CLYBL: variants seen among roughly 807,000 people sequenced by gnomAD.
CLYBL encodes citramalyl-CoA lyase, mitochondrial.
CLYBL carries 31 observed loss-of-function variants against 38.9 expected under a neutral mutation model. That is an observed-to-expected ratio of 0.80 (90% CI 0.60 to 1.08). The LOEUF (loss-of-function observed/expected upper bound fraction) is 1.08. Among genes scored for constraint, CLYBL ranks in the 50% least tolerant of loss-of-function variants. The probability of loss-of-function intolerance (pLI) is 0.00; values close to 1 mark genes in which losing one functional copy is unlikely to be tolerated. For missense variants in CLYBL, 434 were observed against 411.6 expected, an observed-to-expected ratio of 1.05 and a Z score of -0.47; for synonymous variants, 171 against 158.6, an observed-to-expected ratio of 1.08 and a Z score of -0.59.
At chr13:99,833,030 ATTTTTTTT>A (rs869061868) in intron 2 of CLYBL, among the ~76,000 whole-genome samples, 116 of 35,798 alleles carry the variant, frequency 3.2e-3, no homozygotes, top group East Asian at 8.5e-3. Flanking sequence ...ATATATATAT[ATTTTTTTT>A]TTTTTTTTTT....
chr13:99,621,217 AC>A (rs67303445), intron 1 of CLYBL, among the ~76,000 whole-genome samples: 2,049 of 151,864 alleles, frequency 0.013, 48 homozygotes, highest in African/African-American at 0.046. Flanking sequence ...TTTCCCAGTG[AC>A]CTCCAATTAC....
chr13:99,851,514 G>C (rs902203762), intron 2 of CLYBL, among the ~76,000 whole-genome samples: 1 of 151,978 alleles, frequency 6.6e-6, no homozygotes, highest in Non-Finnish European at 1.5e-5. Flanking sequence ...TTTTTAACGG[G>C]CTAAGGATGT....
At chr13:99,619,335 C>G (rs571108705) in intron 1 of CLYBL, among the ~76,000 whole-genome samples, 2 of 152,272 alleles carry the variant, frequency 1.3e-5, no homozygotes, top group African/African-American at 4.8e-5. Context: ...AGAGAGCAGC[C>G]CTCTGTAGAC....
intron 1 of CLYBL, among the ~76,000 whole-genome samples, chr13:99,637,406 A>C (rs143991786): frequency 6.6e-6 from 1 of 152,234 alleles, no homozygotes; most frequent in Non-Finnish European, 1.5e-5. Context: ...AGCATATTGC[A>C]TATTCCCTGT....
intron 1 of CLYBL, among the ~76,000 whole-genome samples, chr13:99,691,883 C>T (rs1004625158): frequency 2.0e-5 from 3 of 152,086 alleles, no homozygotes; most frequent in Non-Finnish European, 2.9e-5. Flanking sequence ...AAGAAACAGC[C>T]CAGGGTGGTG....
At chr13:99,840,212 A>C (rs1410268889) in intron 2 of CLYBL, among the ~76,000 whole-genome samples, 5 of 149,916 alleles carry the variant, frequency 3.3e-5, no homozygotes, top group Admixed American at 6.7e-5. Flanking sequence ...TGTGGTCCTC[A>C]TCCCTTCATT....
intron 2 of CLYBL, among the ~76,000 whole-genome samples, chr13:99,806,258 T>G (rs1288811818): frequency 6.6e-6 from 1 of 152,220 alleles, no homozygotes; most frequent in Non-Finnish European, 1.5e-5. Context: ...ATAATACATT[T>G]TCAACAGCAA....
rs528709985 is a variant in CLYBL, at chr13:99,708,276, C to T, written c.63-64548C>T. On this transcript the variant is annotated intron_variant, in intron 1 of 8. Transcript: ENST00000339105. ...GATTACAGGCGTGAGCCCTCACACC[C>T]GGCCTGATGCTGGGTGTTTTGTACA... 1.4e-3 allele frequency among the ~76,000 whole-genome samples: 216 copies of T among 152,296 alleles called. 1 individual carries two copies. Among genetic ancestry groups the T allele is most frequent in the African/African-American group, 4.9e-3 (203 of 41,566 alleles).
chr13:99,808,173 C>T (rs1566335444), intron 2 of CLYBL, among the ~76,000 whole-genome samples: 1 of 152,198 alleles, frequency 6.6e-6, no homozygotes, highest in Non-Finnish European at 1.5e-5. Context: ...GCAGCGTGGA[C>T]CGCCTGGGCT....
At position 99,843,082 on chromosome 13, in the gene CLYBL, C is replaced by T. The variant is rs1319419235; in HGVS notation, c.250-15779C>T. Among the ~76,000 whole-genome samples, 13 of 152,134 alleles carry T rather than the reference C, an allele frequency of 8.5e-5. No homozygotes were observed. In the East Asian group the frequency reaches 1.7e-3, roughly 20 times the overall value. Reference sequence around the variant, plus strand: ...TGAGGTTAAGAGACTGTCCCTGTCTCGTACACAGGCAGCCATCAGCACAGT... The same window carrying T: ...TGAGGTTAAGAGACTGTCCCTGTCTTGTACACAGGCAGCCATCAGCACAGT... On this transcript the variant is annotated intron_variant, in intron 2 of 8. Coordinates refer to ENST00000339105, the MANE Select transcript of CLYBL (RefSeq NM_206808.5).
chr13:99,791,360 TAA>T (rs57869213), intron 2 of CLYBL, among the ~76,000 whole-genome samples: 1 of 146,486 alleles, frequency 6.8e-6, no homozygotes, highest in Admixed American at 6.9e-5. Flanking sequence ...GTGTCTTTTT[TAA>T]AAAAAAAACA....
At chr13:99,710,555 G>C (rs1466764408) in intron 1 of CLYBL, among the ~76,000 whole-genome samples, 1 of 152,140 alleles carries the variant, frequency 6.6e-6, no homozygotes, top group Admixed American at 6.5e-5. Context: ...AAAGTAAAAG[G>C]GGCTATATTT....
chr13:99,845,972 T>TAAAA lies in CLYBL; in HGVS notation c.250-12882_250-12879dup, dbSNP rs10677824. ...TAAAAATGCTTATATATTTGCCACCTAAAAAAAAAACAAAGCCATTTTTCA... is the reference window on the plus strand; with the variant it reads ...TAAAAATGCTTATATATTTGCCACCTAAAAAAAAAAAAAACAAAGCCATTTTTCA... On this transcript the variant is annotated intron_variant, in intron 2 of 8. Coordinates refer to ENST00000339105, the MANE Select transcript of CLYBL (RefSeq NM_206808.5). Among the ~76,000 whole-genome samples, 547 of 147,968 alleles carry TAAAA rather than the reference T, an allele frequency of 3.7e-3. 2 individuals carry two copies. Among genetic ancestry groups the TAAAA allele is most frequent in the South Asian group, 0.017 (78 of 4,678 alleles).
intron 2 of CLYBL, among the ~76,000 whole-genome samples, chr13:99,852,100 A>G (rs78102635): frequency 0.01 from 1,549 of 152,356 alleles, 21 homozygotes; most frequent in African/African-American, 0.034. Flanking sequence ...TACCTATTGC[A>G]TGGTTCCATT....
At chr13:99,660,472 C>T (rs2047393379) in intron 1 of CLYBL, among the ~76,000 whole-genome samples, 1 of 152,154 alleles carries the variant, frequency 6.6e-6, no homozygotes, top group African/African-American at 2.4e-5. Flanking sequence ...AACACAATCT[C>T]TGTATTGTGT....
chr13:99,689,637 G>C (rs9585186), intron 1 of CLYBL, among the ~76,000 whole-genome samples: 2,648 of 152,272 alleles, frequency 0.017, 68 homozygotes, highest in African/African-American at 0.06. Context: ...TTGCAAGTAA[G>C]ACTTAGGACT....
At position 99,871,072 on chromosome 13, in the gene CLYBL, T is replaced by C; in HGVS notation, c.927+10T>C. On this transcript the variant is annotated intron_variant, in intron 7 of 8. Transcript: ENST00000339105. ...TCAACAATTAGGAAAGGTAAATGTT[T>C]TGTTAATGCCTTGGGTGAGAGCAGT... 6.2e-7 allele frequency: 1 copy of C among 1,613,624 alleles called. No individual in the cohort carries two copies. The highest frequency in any genetic ancestry group is 8.5e-7 in the Non-Finnish European group (1 of 1,179,582).
intron 1 of CLYBL, among the ~76,000 whole-genome samples, chr13:99,626,321 A>G (rs1001758498): frequency 1.1e-4 from 16 of 152,228 alleles, no homozygotes; most frequent in African/African-American, 2.7e-4. Flanking sequence ...GGGGCTGGGC[A>G]TGACGTTGAG....
At chr13:99,627,694 C>T (rs1566592397) in intron 1 of CLYBL, among the ~76,000 whole-genome samples, 1 of 152,102 alleles carries the variant, frequency 6.6e-6, no homozygotes, top group East Asian at 1.9e-4. Flanking sequence ...TTAAAAGAGA[C>T]TAAAAAACTA....
Sources: gnomAD v4.1 joint callset for allele counts (sites outside exome capture counted in the v4.1 genomes callset) on GRCh38, gnomAD v4.1.1 for gene constraint, MANE v1.5 for transcripts, NCBI Gene and HGNC (gene_info 2026-07-23, HGNC 2026-07-21) for gene names.